The following ZNF839 variants were observed in gnomAD, a reference collection of about 807,000 sequenced individuals.
ZNF839 encodes renal carcinoma antigen NY-REN-50.
ZNF839 carries 38 observed loss-of-function variants against 56.4 expected under a neutral mutation model. That is an observed-to-expected ratio of 0.67 (90% CI 0.52 to 0.88). The LOEUF is 0.88. Among genes scored for constraint, ZNF839 ranks in the 40% least tolerant of loss-of-function variants. The probability of loss-of-function intolerance (pLI) is 0.00; values close to 1 mark genes in which losing one functional copy is unlikely to be tolerated. For missense variants in ZNF839, 1,091 were observed against 1,177.6 expected, an observed-to-expected ratio of 0.93 and a Z score of 1.08; for synonymous variants, 486 against 493.5, an observed-to-expected ratio of 0.98 and a Z score of 0.20.
intron 2 of ZNF839, among the ~76,000 whole-genome samples, chr14:102,330,075 G>A (rs545629835): frequency 1.9e-4 from 29 of 151,908 alleles, no homozygotes; most frequent in African/African-American, 5.6e-4. Flanking sequence ...GATTACAGGC[G>A]TGAGCCATTG....
intron 3 of ZNF839, 118 bp from the exon 4 acceptor site, chr14:102,334,436 T>C (rs2073926801): frequency 1.5e-6 from 1 of 689,448 alleles, no homozygotes; most frequent in Admixed American, 2.2e-5. Flanking sequence ...TAGAGTTACT[T>C]GGTCACTGAA....
In ZNF839 at chr14:102,339,155, C is replaced by G. The variant is rs1185891264; in HGVS notation, c.1859C>G (p.Thr620Ser). ...AGAAGAGAAGCCCTGTCCAACGATA[C>G]CACTGAATCTCTTGCTGCCAACAGC... ...RPRREALSND[T>S]TESLAANSRG... The change falls in exon 7 of 8, where the codon ACC becomes AGC. Residue 620 changes from threonine to serine, a missense_variant. Around this residue, in one of 3 missense-constraint regions of ZNF839, gnomAD observed 431 missense variants for 468.0 expected, o/e 0.92. Coordinates refer to ENST00000442396, the MANE Select transcript of ZNF839 (RefSeq NM_018335.6). 6.2e-7 allele frequency: 1 copy of G among 1,613,394 alleles called. No homozygotes were observed. The highest frequency in any genetic ancestry group is 2.2e-5 in the East Asian group (1 of 44,868).
intron 2 of ZNF839, among the ~76,000 whole-genome samples, chr14:102,330,775 C>T (rs1475877635): frequency 6.6e-6 from 1 of 152,194 alleles, no homozygotes; most frequent in African/African-American, 2.4e-5. Flanking sequence ...GCCTCGGCCT[C>T]CCAAAGTGCT....
At chr14:102,331,928 A>G in intron 3 of ZNF839, 82 bp downstream of exon 3, 1 of 1,173,666 alleles carries the variant, frequency 8.5e-7, no homozygotes, top group Non-Finnish European at 1.2e-6. Context: ...TGAATCACCT[A>G]AGCAGTTCAC....
intron 2 of ZNF839, among the ~76,000 whole-genome samples, chr14:102,329,692 T>C (rs2139517820): frequency 6.7e-6 from 1 of 149,308 alleles, no homozygotes; most frequent in African/African-American, 2.5e-5. Context: ...GCCTCATTTA[T>C]TAATTCTAAT....
chr14:102,326,340 T>A lies in ZNF839; in HGVS notation c.644T>A (p.Leu215Gln), dbSNP rs1247438945. Reference sequence around the variant, plus strand: ...ACCCCTTTGTCTGCCTCTGACCCGCTGGCAGTAACATCTCTTTCATCCAGT... The same window carrying A: ...ACCCCTTTGTCTGCCTCTGACCCGCAGGCAGTAACATCTCTTTCATCCAGT... ...MLTPLSASDP[L>Q]AVTSLSSSSA... The change falls in exon 2 of 8, where the codon CTG becomes CAG. Residue 215 changes from leucine (L) to glutamine (Q), a missense_variant. This residue lies in a region of ZNF839 where 614 missense variants were observed against 629.2 expected (regional missense o/e 0.98). Coordinates refer to ENST00000442396, the MANE Select transcript of ZNF839 (RefSeq NM_018335.6). The surrounding 1 kb of genome is among the most constrained non-coding windows in gnomAD (Gnocchi z 4.3). 1 of 1,610,014 alleles carries A rather than the reference T, an allele frequency of 6.2e-7. No homozygotes were observed. The highest frequency in any genetic ancestry group is 1.3e-5 in the African/African-American group (1 of 74,874).
Position 102,319,847 on chromosome 14 carries a change from G to C in ZNF839, c.82G>C (p.Gly28Arg). 1 of 1,260,284 alleles carries C rather than the reference G, an allele frequency of 7.9e-7. No homozygotes were observed. 78.1% of individuals were successfully genotyped at this position (1,260,284 alleles called of 1,614,324 possible). Residue 28 changes from glycine to arginine, a missense_variant, in exon 1 of 8, where the codon GGC (glycine) becomes CGC (arginine). This residue lies in a region of ZNF839 where 614 missense variants were observed against 629.2 expected (regional missense o/e 0.98). Transcript: ENST00000442396. The surrounding 1 kb of genome is among the most constrained non-coding windows in gnomAD (Gnocchi z 4.5). ...GGGPAPPGQSGSVARVAPLGP... is the reference protein window; with the variant it reads ...GGGPAPPGQSRSVARVAPLGP... ...CGGCCCGGCTCCTCCGGGCCAGAGCGGCAGCGTCGCACGTGTGGCCCCGCT... is the reference window on the plus strand; with the variant it reads ...CGGCCCGGCTCCTCCGGGCCAGAGCCGCAGCGTCGCACGTGTGGCCCCGCT...
At chr14:102,319,596 C>T, upstream of ZNF839, 1 of 948,078 alleles carries the variant, frequency 1.1e-6, no homozygotes, top group Non-Finnish European at 1.4e-6. This position sits in a 1 kb window ranked among gnomAD's most constrained non-coding sequence, Gnocchi z 4.5. Flanking sequence ...CTAAGAGCCG[C>T]GGCGGTTGTC....
chr14:102,321,445 G>A (rs903209923), intron 1 of ZNF839, among the ~76,000 whole-genome samples: 2 of 152,152 alleles, frequency 1.3e-5, no homozygotes, highest in East Asian at 1.9e-4. Flanking sequence ...CATATTTTTC[G>A]TAAAGCAAAA....
chr14:102,336,876 G>T (rs998465160), intron 5 of ZNF839: 1 of 210,212 alleles, frequency 4.8e-6, no homozygotes, highest in Non-Finnish European at 9.7e-6. Flanking sequence ...TGGGACTACC[G>T]CCGTGTGTCA....
chr14:102,320,826 A>G (rs761640613), intron 1 of ZNF839, among the ~76,000 whole-genome samples: 56 of 152,116 alleles, frequency 3.7e-4, no homozygotes, highest in Non-Finnish European at 1.2e-4. Context: ...CGGTCGCCCA[A>G]CTCCGGAGGG....
chr14:102,333,483 G>C (rs537561905), intron 3 of ZNF839, among the ~76,000 whole-genome samples: 9 of 151,882 alleles, frequency 5.9e-5, no homozygotes, highest in Admixed American at 5.2e-4. Flanking sequence ...AGCTGGTCTC[G>C]AACTCCTACC....
At position 102,331,611 on chromosome 14, in the gene ZNF839, A is replaced by G; in HGVS notation, c.1192-11A>G. ...GTTTTATTTTACTTTTGGGTGTGCA[A>G]CACTGTCTAGAATGGTCAGTCTGTA... is the stretch of plus-strand genomic sequence containing the variant. On this transcript the variant is annotated splice_polypyrimidine_tract_variant and intron_variant, in intron 2 of 7. Coordinates refer to ENST00000442396, the MANE Select transcript of ZNF839 (RefSeq NM_018335.6). 1 of 1,603,686 alleles carries G rather than the reference A, an allele frequency of 6.2e-7. No individual in the cohort carries two copies.
intron 4 of ZNF839, 191 bp downstream of exon 4, chr14:102,334,837 G>A (rs965644964): frequency 1.2e-5 from 3 of 245,324 alleles, no homozygotes; most frequent in Non-Finnish European, 2.3e-5. Context: ...CAAACTGCTG[G>A]TCTCTAGCAA....
At position 102,338,809 on chromosome 14, in the gene ZNF839, T is replaced by G. The variant is rs1886151354; in HGVS notation, c.1660-7T>G. 6.2e-7 allele frequency: 1 copy of G among 1,613,862 alleles called. No homozygotes were observed. Among genetic ancestry groups the G allele is most frequent in the Non-Finnish European group, 8.5e-7 (1 of 1,179,814 alleles). ...GAAGTTTATTCTCTTGGCCCATTTC[T>G]TTTCAGGTTGCTGAGTCATTAGGAA... On this transcript the variant is annotated splice_region_variant and splice_polypyrimidine_tract_variant and intron_variant, in intron 5 of 7. Transcript: ENST00000442396.
chr14:102,335,320 CCTT>C (rs1270500504), intron 4 of ZNF839: 10 of 203,426 alleles, frequency 4.9e-5, no homozygotes. Context: ...CGGCTCTGCT[CCTT>C]CTGAGCCCAC....
chr14:102,331,880 G>A (rs775228755), intron 3 of ZNF839, 34 bp downstream of exon 3: 123 of 1,508,668 alleles, frequency 8.2e-5, no homozygotes, highest in African/African-American at 1.5e-4. Flanking sequence ...CTTGAAACCC[G>A]TGTCTTTAGC....
At chr14:102,336,766 C>G (rs1164436857) in intron 5 of ZNF839, 1 of 316,124 alleles carries the variant, frequency 3.2e-6, no homozygotes, top group South Asian at 2.6e-5. Flanking sequence ...CAGGGTTTCC[C>G]TCTGTCTCCC....
rs2073988004 is a variant in ZNF839, at chr14:102,335,779, G to A, written c.1600G>A (p.Asp534Asn). ...TAAAATGGTTAAGAAAATGTGCCAA[G>A]ATTACCTCAGTAGTTCTGGTCTGTG... The part of the protein sequence containing the change: ...LHKMVKKMCQ[D>N]YLSSSGLCSQ... The change falls in exon 5 of 8, where the codon GAT (aspartate) becomes AAT (asparagine). Residue 534 changes from aspartate to asparagine, a missense_variant. Transcript: ENST00000442396. 1 of 1,607,086 alleles carries A rather than the reference G, an allele frequency of 6.2e-7. No individual in the cohort carries two copies. The highest frequency in any genetic ancestry group is 2.2e-5 in the East Asian group (1 of 44,886).
Sources: gnomAD v4.1 joint callset for allele counts (sites outside exome capture counted in the v4.1 genomes callset) on GRCh38, gnomAD v4.1.1 for gene constraint, gnomAD v4.1.1 regional missense constraint, Gnocchi (gnomAD v3.1) non-coding constraint, MANE v1.5 for transcripts, NCBI Gene and HGNC (gene_info 2026-07-23, HGNC 2026-07-21) for gene names.